PEX6: variants seen among roughly 807,000 people sequenced by gnomAD.
PEX6 encodes the protein peroxisome biogenesis factor 6.
In PEX6, 55 loss-of-function variants were observed where a neutral mutation model predicts 85.6. That is an observed-to-expected ratio of 0.64 (90% confidence interval 0.52 to 0.80). The LOEUF is 0.80. Among genes scored for constraint, PEX6 ranks in the 30% least tolerant of loss-of-function variants. PEX6 has a pLI of 0.00. For missense variants in PEX6, 1,099 were observed against 1,260.3 expected (o/e 0.87, Z 1.94); for synonymous variants, 519 against 549.1 (o/e 0.95, Z 0.77).
At chr6:42,967,088 G>A (rs75072250) in intron 8 of PEX6, among the ~76,000 whole-genome samples, 1 of 146,850 alleles carries the variant, frequency 6.8e-6, no homozygotes. Flanking sequence ...TCTCACCTCA[G>A]CCTCCCAAGT....
rs1337528389 is a variant in PEX6, at chr6:42,963,928, AC to A, written c.*406del. On this transcript the variant is annotated 3_prime_UTR_variant, in exon 17 of 17. Coordinates refer to ENST00000304611, the MANE Select transcript of PEX6 (RefSeq NM_000287.4). ...GAAGGATCAGGCTCCCATGCTGCCC[AC>A]CCCCCCACCCTCTCCCAGGGCTTAC... 4.8e-5 allele frequency: 18 copies of A among 375,064 alleles called. No individual in the cohort carries two copies. Among genetic ancestry groups the A allele is most frequent in the South Asian group, 1.5e-4 (7 of 48,086 alleles). 23.2% of individuals were successfully genotyped at this position (375,064 alleles called of 1,614,324 possible).
intron 8 of PEX6, 106 bp from the exon 9 acceptor site, chr6:42,966,964 GTTGTTTTTTTTTTT>G (rs1769838150): frequency 3.4e-6 from 2 of 584,560 alleles, no homozygotes. Flanking sequence ...CCTTAGGTTT[GTTGTTTTTTTTTTT>G]TTTTTTTTTT....
At chr6:42,972,323 T>C (rs981430022) in intron 3 of PEX6, among the ~76,000 whole-genome samples, 2 of 152,234 alleles carry the variant, frequency 1.3e-5, no homozygotes, top group African/African-American at 4.8e-5. Flanking sequence ...GCTAAAGCAG[T>C]GTCTCAATTC....
intron 3 of PEX6, 130 bp downstream of exon 3, chr6:42,973,873 C>T (rs796731116): frequency 1.7e-5 from 12 of 710,192 alleles, no homozygotes; most frequent in South Asian, 5.9e-5. Flanking sequence ...CACACACACA[C>T]GCACACACAA....
Position 42,968,900 on chromosome 6 carries a change from T to C in PEX6, c.1453A>G (p.Ser485Gly), listed in dbSNP as rs1211744219. 7 of 1,613,826 alleles carry C rather than the reference T, an allele frequency of 4.3e-6. No homozygotes were observed. The highest frequency in any genetic ancestry group is 1.3e-5 in the African/African-American group (1 of 74,896). The change falls in exon 6 of 17, where the codon AGT (serine) becomes GGT (glycine). Residue 485 changes from serine (S) to glycine (G), a missense_variant. This residue lies in a region of PEX6 where 6 missense variants were observed against 21.8 expected (regional missense o/e 0.28). Coordinates refer to ENST00000304611, the MANE Select transcript of PEX6 (RefSeq NM_000287.4). ...TTCAGTAAGTGGAGCCCAAGGTGACTACAGGCAGCAGCAACTACTGTGGTC... is the reference window on the plus strand; with the variant it reads ...TTCAGTAAGTGGAGCCCAAGGTGACCACAGGCAGCAGCAACTACTGTGGTC... ...GKTTVVAAAC[S>G]HLGLHLLKVP...
rs1417338269 is a variant in PEX6 at position 42,978,771 on chromosome 6, C to T, written c.380G>A (p.Arg127His). 24 of 1,534,946 alleles carry T rather than the reference C, an allele frequency of 1.6e-5. No homozygotes were observed. Among genetic ancestry groups the T allele is most frequent in the Non-Finnish European group, 2.0e-5 (23 of 1,146,830 alleles). ...GPRVGPLLVR[R>H]GETLPVPGPR... ...TCCGGGCACTGGGAGGGTCTCTCCGCGCCTCACCAGCAGCGGCCCGACTCG... is the reference window on the plus strand; with the variant it reads ...TCCGGGCACTGGGAGGGTCTCTCCGTGCCTCACCAGCAGCGGCCCGACTCG... Residue 127 changes from arginine (R) to histidine (H), a missense_variant, in exon 1 of 17, where the codon CGC becomes CAC. Transcript: ENST00000304611.
rs1769707094 is a variant in PEX6 at position 42,965,086 on chromosome 6, G to A, written c.2655C>T (p.Ala885=). ...CTAACAGAGCATACTTGCGTGTGAT[G>A]GCACTTAGAACGCGTAGCTGGGAGG... ...DRASQLRVLS[A]ITRKFKLEPS... Residue 885 remains alanine, a synonymous_variant, in exon 15 of 17, where the codon GCC becomes GCT. Coordinates refer to ENST00000304611, the MANE Select transcript of PEX6 (RefSeq NM_000287.4). This position sits in a 1 kb window ranked among gnomAD's most constrained non-coding sequence, Gnocchi z 5.0. 2 of 1,614,008 alleles carry A rather than the reference G, an allele frequency of 1.2e-6. No individual in the cohort carries two copies. Among genetic ancestry groups the A allele is most frequent in the African/African-American group, 2.7e-5 (2 of 74,942 alleles).
At chr6:42,974,462 T>G (rs1011773290) in intron 2 of PEX6, among the ~76,000 whole-genome samples, 12 of 137,402 alleles carry the variant, frequency 8.7e-5, no homozygotes, top group Admixed American at 2.1e-4. Context: ...TTTTTTTTTT[T>G]TTTTTTTTTT....
Position 42,964,693 on chromosome 6 carries a change from G to A in PEX6, c.2806+97C>T, listed in dbSNP as rs546637844. 9.2e-6 allele frequency: 14 copies of A among 1,521,196 alleles called. No individual in the cohort carries two copies. Among genetic ancestry groups the A allele is most frequent in the African/African-American group, 8.2e-5 (6 of 73,164 alleles). The allele number at this position is 1,521,196 out of a possible 1,614,324, so 94.2% of individuals were successfully genotyped here. A position where few individuals can be genotyped will look rare whatever the true frequency, so the allele number is the denominator to read the frequency against. ...TGGCCTCAAACTCCTGGGCTCAAGC[G>A]ATCCTCCCACCTCAGCCTCTCAAGT... On this transcript the variant is annotated intron_variant, in intron 16 of 16. Coordinates refer to ENST00000304611, the MANE Select transcript of PEX6 (RefSeq NM_000287.4). The surrounding 1 kb of genome is among the most constrained non-coding windows in gnomAD (Gnocchi z 4.6).
Position 42,966,787 on chromosome 6 carries a change from G to C in PEX6, c.1956C>G (p.Asn652Lys), listed in dbSNP as rs1769826003. 1 of 1,613,840 alleles carries C rather than the reference G, an allele frequency of 6.2e-7. No individual in the cohort carries two copies. The highest frequency in any genetic ancestry group is 2.2e-5 in the East Asian group (1 of 44,844). Residue 652 changes from asparagine (N) to lysine (K), a missense_variant, in exon 9 of 17, where the codon AAC becomes AAG. Asn to Lys is a moderately conservative substitution (Grantham distance 94). This residue lies in a region of PEX6 where 514 missense variants were observed against 627.0 expected (regional missense o/e 0.82). Transcript: ENST00000304611. ...SSRAACTRIK[N>K]SGLAGGLTEE... Reference sequence around the variant, plus strand: ...CGGTGCCCACGTCCTCTTACCCTGAGTTCTTGATCCTGGTGCAGGCTGCCC... The same window carrying C: ...CGGTGCCCACGTCCTCTTACCCTGACTTCTTGATCCTGGTGCAGGCTGCCC...
chr6:42,977,768 CAAAAAAAAAAAAA>C (rs200706906), intron 1 of PEX6, among the ~76,000 whole-genome samples: 6,747 of 52,446 alleles, frequency 0.13, 517 homozygotes, highest in Middle Eastern at 0.42. Context: ...GACCCCATCT[CAAAAAAAAAAAAA>C]AAAAAAAAAA....
In PEX6 at chr6:42,969,713, AAGGCCTCC is replaced by A. The variant is rs267608216; in HGVS notation, c.1314_1321del (p.Glu439GlyfsTer3). The A allele has an allele frequency of 2.0e-4, 330 of 1,613,374 alleles. No individual in the cohort carries two copies. Among genetic ancestry groups the A allele is most frequent in the Non-Finnish European group, 2.7e-4 (317 of 1,179,936 alleles). ...CAGGACAGCACAGAGTTCAGACACCAAGGCCTCCAGGCCTGGAGGAGACAAACTGCTCC... is the reference window on the plus strand; with the variant it reads ...CAGGACAGCACAGAGTTCAGACACCAAGGCCTGGAGGAGACAAACTGCTCC... On this transcript the variant is annotated frameshift_variant, in exon 5 of 17. Coordinates refer to ENST00000304611, the MANE Select transcript of PEX6 (RefSeq NM_000287.4). LOFTEE classifies it high-confidence loss of function.
chr6:42,970,653 G>A (rs1378668238), intron 3 of PEX6, among the ~76,000 whole-genome samples: 1 of 152,148 alleles, frequency 6.6e-6, no homozygotes, highest in Admixed American at 6.5e-5. Context: ...CAGTGATGTT[G>A]GCTGTACAAC....
chr6:42,974,442 G>GTTTTTT (rs71855084), intron 2 of PEX6, among the ~76,000 whole-genome samples: 1 of 115,946 alleles, frequency 8.6e-6, no homozygotes, highest in Non-Finnish European at 1.7e-5. Flanking sequence ...TGTCTGAAAT[G>GTTTTTT]TTTTTTTTGT....
At chr6:42,970,244 C>G (rs1460210256) in intron 3 of PEX6, among the ~76,000 whole-genome samples, 9 of 152,246 alleles carry the variant, frequency 5.9e-5, no homozygotes, top group African/African-American at 2.2e-4. Flanking sequence ...TTTCTCCAGG[C>G]ATGTGGCCTA....
At chr6:42,969,646 C>T (rs1449928288) in intron 5 of PEX6, 22 bp downstream of exon 5, 5 of 1,611,952 alleles carry the variant, frequency 3.1e-6, no homozygotes, top group Non-Finnish European at 4.2e-6. Context: ...TTCTCACACC[C>T]TGGGGTGATG....
In PEX6 at chr6:42,968,873, C is replaced by T; in HGVS notation, c.1479+1G>A. The stretch of plus-strand genomic sequence containing the variant: ...GGGTTCTACTCTCCAGAGACCCTCA[C>T]CTTCAGTAAGTGGAGCCCAAGGTGA... On this transcript the variant is annotated splice_donor_variant, in intron 6 of 16. Coordinates refer to ENST00000304611, the MANE Select transcript of PEX6 (RefSeq NM_000287.4). LOFTEE classifies it high-confidence loss of function. 1 of 1,609,178 alleles carries T rather than the reference C, an allele frequency of 6.2e-7. No individual in the cohort carries two copies.
chr6:42,965,541 G>T lies in PEX6; in HGVS notation c.2471+140C>A. The T allele has an allele frequency of 1.1e-6, 1 of 888,768 alleles. No homozygotes were observed. The highest frequency in any genetic ancestry group is 1.9e-6 in the Non-Finnish European group (1 of 523,010). 55.1% of individuals were successfully genotyped at this position (888,768 alleles called of 1,614,324 possible). A position where few individuals can be genotyped will look rare whatever the true frequency, so the allele number is the denominator to read the frequency against. ...TCAGTGGACCCTGCCCAATTTCATGGCCCCTTTCAGCTTCCATTATATTAT... is the reference window on the plus strand; with the variant it reads ...TCAGTGGACCCTGCCCAATTTCATGTCCCCTTTCAGCTTCCATTATATTAT... On this transcript the variant is annotated intron_variant, in intron 13 of 16. Coordinates refer to ENST00000304611, the MANE Select transcript of PEX6 (RefSeq NM_000287.4). The surrounding 1 kb of genome is among the most constrained non-coding windows in gnomAD (Gnocchi z 5.0).
At position 42,978,327 on chromosome 6, in the gene PEX6, G is replaced by C. The variant is rs1394407113; in HGVS notation, c.824C>G (p.Ala275Gly). ...PLADGLALVPATLAFNLGCDP... is the reference protein window; with the variant it reads ...PLADGLALVPGTLAFNLGCDP... Reference sequence around the variant, plus strand: ...ACAGCCAAGATTAAAAGCCAAAGTGGCAGGGACAAGCGCCAGTCCGTCAGC... The same window carrying C: ...ACAGCCAAGATTAAAAGCCAAAGTGCCAGGGACAAGCGCCAGTCCGTCAGC... Residue 275 changes from alanine (A) to glycine (G), a missense_variant, in exon 1 of 17, where the codon GCC (alanine) becomes GGC (glycine). Physicochemically the swap from Ala to Gly is moderately conservative, Grantham distance 60. This residue lies in a region of PEX6 where 579 missense variants were observed against 611.6 expected (regional missense o/e 0.95). Transcript: ENST00000304611. 1.2e-6 allele frequency: 2 copies of C among 1,614,066 alleles called. No homozygotes were observed. Among genetic ancestry groups the C allele is most frequent in the Non-Finnish European group, 1.7e-6 (2 of 1,180,046 alleles).
Sources: allele counts gnomAD v4.1 joint callset (sites outside exome capture counted in the v4.1 genomes callset), GRCh38; gene constraint gnomAD v4.1.1; regional missense constraint gnomAD v4.1.1; non-coding constraint Gnocchi (gnomAD v3.1); transcripts MANE v1.5; gene names NCBI Gene and HGNC (gene_info 2026-07-23, HGNC 2026-07-21).